FOLH1: variants seen among roughly 807,000 people sequenced by gnomAD.
FOLH1 encodes the protein folate hydrolase 1, also known as glutamate carboxypeptidase 2.
In FOLH1, 54 loss-of-function variants were observed where a neutral mutation model predicts 93.9. The observed-to-expected ratio is 0.57, with a 90% CI of 0.46 to 0.72. The LOEUF is 0.72. Among genes scored for constraint, FOLH1 ranks in the 30% least tolerant of loss-of-function variants. The pLI is 0.00. For synonymous variants in FOLH1, 249 were observed against 303.6 expected (o/e 0.82, Z 1.87); for missense variants, 571 against 892.5 (o/e 0.64, Z 4.59).
chr11:49,186,056 A>C (rs1175139910), intron 5 of FOLH1: 7 of 813,512 alleles, frequency 8.6e-6, no homozygotes, highest in Non-Finnish European at 1.2e-5. Flanking sequence ...TCAGAACATC[A>C]GATTTAGAAA....
intron 13 of FOLH1, among the ~76,000 whole-genome samples, chr11:49,160,631 A>G (rs1857588007): frequency 6.6e-6 from 1 of 151,912 alleles, no homozygotes. Context: ...TTTAGTAGAG[A>G]CGGGGTTTCA....
chr11:49,188,261 T>C (rs1861637314), intron 4 of FOLH1, among the ~76,000 whole-genome samples: 2 of 152,136 alleles, frequency 1.3e-5, no homozygotes, highest in Non-Finnish European at 2.9e-5. Flanking sequence ...ATGCCTGTAA[T>C]CCCAGCACTT....
rs765524382 is a variant in FOLH1, at chr11:49,192,881, G to A, written c.425C>T (p.Ser142Leu). Reference protein sequence around the residue: ...NEDGNEIFNTSLFEPPPPGYE... With the variant: ...NEDGNEIFNTLLFEPPPPGYE... Reference sequence around the variant, plus strand: ...TCCTGGAGGAGGTGGTTCAAATAATGATGTGTTGAAAATCTAGAGAAACAA... The same window carrying A: ...TCCTGGAGGAGGTGGTTCAAATAATAATGTGTTGAAAATCTAGAGAAACAA... Residue 142 changes from serine to leucine, a missense_variant, in exon 4 of 19, where the codon TCA becomes TTA. Ser to Leu is a moderately radical substitution (Grantham distance 145). This residue lies in a region of FOLH1 where 500 missense variants were observed against 822.9 expected (regional missense o/e 0.61). Transcript: ENST00000256999. The A allele has an allele frequency of 1.3e-6, 2 of 1,587,506 alleles. No individual in the cohort carries two copies. Among genetic ancestry groups the A allele is most frequent in the Non-Finnish European group, 8.6e-7 (1 of 1,167,494 alleles).
At position 49,169,207 on chromosome 11, in the gene FOLH1, A is replaced by C. The variant is rs746046584; in HGVS notation, c.1360T>G (p.Ser454Ala). 6.2e-6 allele frequency: 10 copies of C among 1,613,274 alleles called. No homozygotes were observed. The South Asian group carries it at 1.1e-4, about 18-fold the overall frequency. Reference protein sequence around the residue: ...ERGVAYINADSSIEGNYTLRV... With the variant: ...ERGVAYINADASIEGNYTLRV... ...CAACGATATTCACCTTCTATAGATG[A>C]GTCAGCATTAATATAAGCCACGCCA... Residue 454 changes from serine (S) to alanine (A), a missense_variant, in exon 12 of 19, where the codon TCA becomes GCA. Ser to Ala is a moderately conservative substitution (Grantham distance 99, BLOSUM62 1). Transcript: ENST00000256999.
intron 11 of FOLH1, 143 bp downstream of exon 11, chr11:49,171,052 C>T (rs1386432358): frequency 1.1e-6 from 1 of 912,608 alleles, no homozygotes; most frequent in Non-Finnish European, 1.5e-6. Flanking sequence ...GATTTTTGAA[C>T]AAGAATATGT....
intron 11 of FOLH1, among the ~76,000 whole-genome samples, chr11:49,170,333 G>A (rs191138470): frequency 1.1e-4 from 17 of 152,212 alleles, no homozygotes; most frequent in Admixed American, 6.5e-4. Context: ...TATACCTTAC[G>A]GCCAGGCATG....
Position 49,208,461 on chromosome 11 carries a change from T to G in FOLH1, c.-52A>C. 3.1e-6 allele frequency: 4 copies of G among 1,301,992 alleles called. No individual in the cohort carries two copies. Among genetic ancestry groups the G allele is most frequent in the Non-Finnish European group, 4.3e-6 (4 of 932,550 alleles). The allele number at this position is 1,301,992 out of a possible 1,614,324, so 80.7% of individuals were successfully genotyped here. A position where few individuals can be genotyped will look rare whatever the true frequency, so the allele number is the denominator to read the frequency against. On this transcript the variant is annotated 5_prime_UTR_variant, in exon 1 of 19. Transcript: ENST00000256999. The stretch of plus-strand genomic sequence containing the variant: ...GGGACCCGCGCCTGTGCTGCTGCTC[T>G]ACTGCGCGCCCTCCAACCACCACGG...
At chr11:49,186,813 AAGG>A in intron 4 of FOLH1, 44 bp from the exon 5 acceptor site, 1 of 1,541,524 alleles carries the variant, frequency 6.5e-7, no homozygotes. Context: ...GATATAAAAC[AAGG>A]AGGTTTTTCT....
Position 49,146,629 on chromosome 11 carries a change from C to G in FOLH1, c.*127G>C, listed in dbSNP as rs574979834. On this transcript the variant is annotated 3_prime_UTR_variant, in exon 19 of 19. Coordinates refer to ENST00000256999, the MANE Select transcript of FOLH1 (RefSeq NM_004476.3). ...AAACACACACATATATAAACACTCA[C>G]ATAACTATATATAATATTCAACTTT... The G allele has an allele frequency of 6.9e-5, 49 of 715,134 alleles. 1 individual carries two copies. The Middle Eastern group carries it at 1.5e-3, about 22-fold the overall frequency. 44.3% of individuals were successfully genotyped at this position (715,134 alleles called of 1,614,324 possible).
intron 13 of FOLH1, among the ~76,000 whole-genome samples, chr11:49,161,319 T>C (rs1857671651): frequency 6.6e-6 from 1 of 152,224 alleles, no homozygotes; most frequent in African/African-American, 2.4e-5. Flanking sequence ...CTGTGTTATG[T>C]GCATATATAT....
intron 12 of FOLH1, among the ~76,000 whole-genome samples, chr11:49,167,546 G>A (rs1858556972): frequency 6.6e-6 from 1 of 152,180 alleles, no homozygotes; most frequent in Admixed American, 6.5e-5. Context: ...TGGGAGCTGT[G>A]GCTCAGACCC....
intron 8 of FOLH1, 84 bp from the exon 9 acceptor site, chr11:49,175,061 T>C: frequency 1.6e-6 from 2 of 1,279,646 alleles, no homozygotes; most frequent in Non-Finnish European, 2.2e-6. Context: ...TTTTCCCCTC[T>C]GCCTTTGAAG....
intron 13 of FOLH1, among the ~76,000 whole-genome samples, chr11:49,161,915 T>C (rs1352447490): frequency 1.3e-5 from 2 of 152,214 alleles, no homozygotes; most frequent in Non-Finnish European, 2.9e-5. Flanking sequence ...AATTCTGGAT[T>C]GGAATTTCTT....
intron 7 of FOLH1, 22 bp from the exon 8 acceptor site, chr11:49,175,979 T>C (rs1859965451): frequency 1.9e-6 from 3 of 1,606,300 alleles, no homozygotes; most frequent in Non-Finnish European, 1.7e-6. Context: ...AAAAAAACAT[T>C]ATTAGCCACA....
At position 49,158,030 on chromosome 11, in the gene FOLH1, T is replaced by G; in HGVS notation, c.1454A>C (p.Asp485Ala). 1 of 1,574,316 alleles carries G rather than the reference T, an allele frequency of 6.4e-7. No individual in the cohort carries two copies. The highest frequency in any genetic ancestry group is 2.3e-5 in the East Asian group (1 of 44,356). ...AAGAGATTTGCCTTCAAAGCCTTCA[T>G]CAGGGCTTTTCAGCTACACAAATTA... ...HNLTKELKSP[D>A]EGFEGKSLYE... is the part of the protein sequence containing the mutation. Residue 485 changes from aspartate (D) to alanine (A), a missense_variant, in exon 14 of 19, where the codon GAT becomes GCT. Transcript: ENST00000256999.
At chr11:49,194,827 A>G (rs1234161560) in intron 3 of FOLH1, among the ~76,000 whole-genome samples, 1 of 152,042 alleles carries the variant, frequency 6.6e-6, no homozygotes, top group African/African-American at 2.4e-5. Flanking sequence ...AGGCTACTAC[A>G]TAAGTATAAG....
At chr11:49,201,236 A>T (rs1366071437) in intron 2 of FOLH1, among the ~76,000 whole-genome samples, 1 of 146,266 alleles carries the variant, frequency 6.8e-6, no homozygotes, top group Admixed American at 6.8e-5. Context: ...ACATGACAAG[A>T]TATTATGTAG....
intron 12 of FOLH1, among the ~76,000 whole-genome samples, chr11:49,168,247 C>G (rs1027753842): frequency 6.6e-6 from 1 of 151,344 alleles, no homozygotes; most frequent in Admixed American, 6.6e-5. Flanking sequence ...AAAGGAGGGT[C>G]TAAGGATAAG....
rs759648885 is a variant in FOLH1, at chr11:49,173,466, G to C, written c.1116C>G (p.Val372=). Residue 372 remains valine (V), a synonymous_variant, in exon 10 of 19, where the codon GTC becomes GTG. Coordinates refer to ENST00000256999, the MANE Select transcript of FOLH1 (RefSeq NM_004476.3). ...ATGAGTCCCGGTGACCTCCCAGAAT[G>C]ACATATCTGTCTAGAAAGCATAGAT... The part of the protein sequence containing the change: ...LRGAVEPDRY[V]ILGGHRDSWV... 1.9e-6 allele frequency: 3 copies of C among 1,574,404 alleles called. No individual in the cohort carries two copies. The highest frequency in any genetic ancestry group is 2.6e-6 in the Non-Finnish European group (3 of 1,156,366).
Sources: allele counts gnomAD v4.1 joint callset (sites outside exome capture counted in the v4.1 genomes callset), GRCh38; gene constraint gnomAD v4.1.1; regional missense constraint gnomAD v4.1.1; transcripts MANE v1.5; gene names NCBI Gene and HGNC (gene_info 2026-07-23, HGNC 2026-07-21).